The following TPM1 variants were observed in gnomAD, a reference collection of about 807,000 sequenced individuals.
TPM1 encodes tropomyosin alpha-1 chain.
A neutral mutation model predicts 42.9 loss-of-function variants in TPM1; 24 were observed. The observed-to-expected ratio is 0.56, with a 90% confidence interval of 0.41 to 0.79. The LOEUF (loss-of-function observed/expected upper bound fraction) is 0.79, where lower values mean the gene tolerates loss of function less well. Among genes scored for constraint, TPM1 ranks in the 30% least tolerant of loss-of-function variants. The pLI is 0.00. For synonymous variants in TPM1, 136 were observed against 130.1 expected (o/e 1.05, Z -0.31); for missense variants, 158 against 351.8 (o/e 0.45, Z 4.41).
At chr15:63,064,427 G>A in intron 9 of TPM1, 1 of 1,222,102 alleles carries the variant, frequency 8.2e-7, no homozygotes, top group South Asian at 2.3e-5. Flanking sequence ...TGTCCTTTTG[G>A]GAAATTAAGC....
At chr15:63,069,845 C>G (rs1219165583), downstream of TPM1, 1 of 1,613,918 alleles carries the variant, frequency 6.2e-7, no homozygotes, top group Non-Finnish European at 8.5e-7. Flanking sequence ...CTCTTTTCTG[C>G]TAACCTGCTT....
In TPM1 at chr15:63,065,947, C is replaced by T. The variant is rs575130839; in HGVS notation, c.*48C>T. 7.5e-6 allele frequency: 12 copies of T among 1,605,772 alleles called. No homozygotes were observed. Among genetic ancestry groups the T allele is most frequent in the African/African-American group, 5.3e-5 (4 of 74,796 alleles). On this transcript the variant is annotated 3_prime_UTR_variant, in exon 10 of 10. Transcript: ENST00000403994. Reference sequence around the variant, plus strand: ...AAGACTCCCTCGTCGAGCTGGATGTCCCACCTCTCTGAGCTCTGCATTTGT... The same window carrying T: ...AAGACTCCCTCGTCGAGCTGGATGTTCCACCTCTCTGAGCTCTGCATTTGT...
At chr15:63,061,131 C>T in intron 5 of TPM1, 192 bp downstream of exon 5, 3 of 1,527,126 alleles carry the variant, frequency 2.0e-6, no homozygotes, top group Non-Finnish European at 2.7e-6. Context: ...ATGCGTGTAT[C>T]ACTGCATGCC....
intron 2 of TPM1, chr15:63,047,703 A>C (rs969967307): frequency 1.3e-5 from 2 of 152,476 alleles, no homozygotes; most frequent in African/African-American, 4.8e-5. Context: ...CTGACTCTTA[A>C]AACAATGCTT....
At chr15:63,051,476 G>GCA (rs3840028) in intron 2 of TPM1, among the ~76,000 whole-genome samples, 50,916 of 151,730 alleles carry the variant, frequency 0.34, 9,067 homozygotes, top group African/African-American at 0.44. Flanking sequence ...ATGGGCTTTG[G>GCA]CACACACAGG....
chr15:63,068,785 G>A (rs139732396), downstream of TPM1, among the ~76,000 whole-genome samples: 1,022 of 152,220 alleles, frequency 6.7e-3, 11 homozygotes, highest in Middle Eastern at 0.014. Flanking sequence ...TCTTCATGTA[G>A]GTGTTGCAAG....
downstream of TPM1, among the ~76,000 whole-genome samples, chr15:63,069,427 C>T (rs2036475809): frequency 6.6e-6 from 1 of 152,156 alleles, no homozygotes; most frequent in African/African-American, 2.4e-5. Flanking sequence ...AGGTGGGCAG[C>T]ACTGGGCAGG....
chr15:63,067,775 C>A (rs181444877), downstream of TPM1, among the ~76,000 whole-genome samples: 2 of 152,238 alleles, frequency 1.3e-5, no homozygotes, highest in African/African-American at 4.8e-5. Flanking sequence ...ATAGCTACAG[C>A]TGCTCTGGTG....
chr15:63,044,346 C>T (rs2031930035), intron 2 of TPM1, 194 bp downstream of exon 2: 1 of 790,514 alleles, frequency 1.3e-6, no homozygotes, highest in Admixed American at 2.1e-5. Flanking sequence ...TCATCCACTC[C>T]TCTCTTCTTC....
intron 2 of TPM1, chr15:63,048,279 C>T: frequency 1.6e-6 from 1 of 618,010 alleles, no homozygotes; most frequent in Non-Finnish European, 2.7e-6. Context: ...CCCCGCAGCG[C>T]GCCGGGAGCG....
In TPM1 at chr15:63,042,750, C is replaced by A; in HGVS notation, c.-80C>A. On this transcript the variant is annotated 5_prime_UTR_variant, in exon 1 of 10. Coordinates refer to ENST00000403994, the MANE Select transcript of TPM1 (RefSeq NM_001018005.2). ...TGGGAGAAGCAGGCGGCTCCGCGCT[C>A]GCACTCCCGCTCCTCCGCCCGACCG... The A allele has an allele frequency of 8.6e-7, 1 of 1,167,304 alleles. No individual in the cohort carries two copies. The highest frequency in any genetic ancestry group is 1.3e-6 in the Non-Finnish European group (1 of 793,228). The allele number at this position is 1,167,304 out of a possible 1,614,324, so 72.3% of individuals were successfully genotyped here. A position where few individuals can be genotyped will look rare whatever the true frequency, so the allele number is the denominator to read the frequency against.
chr15:63,067,793 C>G (rs1173935022), downstream of TPM1, among the ~76,000 whole-genome samples: 1 of 152,196 alleles, frequency 6.6e-6, no homozygotes, highest in Non-Finnish European at 1.5e-5. Flanking sequence ...GTGGGCCAAA[C>G]CAAAAGCATC....
chr15:63,050,566 C>T (rs1295268809), intron 2 of TPM1, among the ~76,000 whole-genome samples: 3 of 152,210 alleles, frequency 2.0e-5, no homozygotes, highest in African/African-American at 7.2e-5. Flanking sequence ...CTTCCTGTGC[C>T]AGTTGGCTAA....
intron 3 of TPM1, 91 bp from the exon 4 acceptor site, chr15:63,059,472 T>A: frequency 2.9e-6 from 3 of 1,017,840 alleles, no homozygotes; most frequent in Non-Finnish European, 4.6e-6. Context: ...GTCTACCACT[T>A]ACACTAAGCC....
At chr15:63,051,117 T>C (rs1025283637) in intron 2 of TPM1, among the ~76,000 whole-genome samples, 1 of 152,230 alleles carries the variant, frequency 6.6e-6, no homozygotes, top group African/African-American at 2.4e-5. Flanking sequence ...GTTTGCTTTT[T>C]TTCATTATTT....
chr15:63,060,595 T>C (rs1486375385), intron 4 of TPM1, among the ~76,000 whole-genome samples: 2 of 152,228 alleles, frequency 1.3e-5, no homozygotes, highest in African/African-American at 4.8e-5. Flanking sequence ...TCCTTCCACA[T>C]TTTGGTCTGG....
chr15:63,070,286 GTATGTATA>G (rs1438405929), downstream of TPM1: 1,126 of 781,924 alleles, frequency 1.4e-3, 8 homozygotes, highest in African/African-American at 0.034. Flanking sequence ...CCTACTTTAA[GTATGTATA>G]TATATATATA....
At chr15:63,059,099 T>G (rs940005347) in intron 3 of TPM1, among the ~76,000 whole-genome samples, 1 of 152,238 alleles carries the variant, frequency 6.6e-6, no homozygotes, top group African/African-American at 2.4e-5. Context: ...TTTTTGTTTA[T>G]GGGTGGCAGG....
intron 2 of TPM1, chr15:63,056,771 T>C (rs1446188716): frequency 3.1e-6 from 2 of 642,010 alleles, no homozygotes; most frequent in African/African-American, 3.6e-5. Context: ...GTGTATAGAT[T>C]TGTGTATACA....
Sources: allele counts gnomAD v4.1 joint callset (sites outside exome capture counted in the v4.1 genomes callset), GRCh38; gene constraint gnomAD v4.1.1; transcripts MANE v1.5; gene names NCBI Gene and HGNC (gene_info 2026-07-23, HGNC 2026-07-21).